The following CPVL variants were observed in gnomAD, a reference collection of about 807,000 sequenced individuals.
The protein encoded by CPVL is probable serine carboxypeptidase CPVL.
A neutral mutation model predicts 63.7 loss-of-function variants in CPVL; 51 were observed. That is an observed-to-expected ratio of 0.80 (90% CI 0.64 to 1.01). The LOEUF is 1.01. CPVL is among the 50% of genes least tolerant of loss of function. The probability of loss-of-function intolerance (pLI) is 0.00; values close to 1 mark genes in which losing one functional copy is unlikely to be tolerated. For missense variants in CPVL, 530 were observed against 573.1 expected (o/e 0.92, Z 0.77); for synonymous variants, 195 against 206.0 (o/e 0.95, Z 0.46).
intron 4 of CPVL, among the ~76,000 whole-genome samples, chr7:29,095,422 A>G (rs969444302): frequency 6.6e-6 from 1 of 152,088 alleles, no homozygotes; most frequent in African/African-American, 2.4e-5. Flanking sequence ...TCATGAAAAA[A>G]CACCCACCAA....
chr7:29,014,997 T>C (rs969597352), intron 12 of CPVL, among the ~76,000 whole-genome samples: 3 of 152,228 alleles, frequency 2.0e-5, no homozygotes, highest in Admixed American at 1.3e-4. Flanking sequence ...GTGAAAATGT[T>C]CAAATCCTAG....
chr7:29,035,130 A>C (rs1788402870), intron 11 of CPVL, among the ~76,000 whole-genome samples: 1 of 152,146 alleles, frequency 6.6e-6, no homozygotes, highest in African/African-American at 2.4e-5. Flanking sequence ...AGATGAGAAA[A>C]GCATCTTTAT....
chr7:29,089,941 C>T (rs555145107), intron 6 of CPVL, among the ~76,000 whole-genome samples: 4 of 151,866 alleles, frequency 2.6e-5, no homozygotes, highest in South Asian at 4.2e-4. Flanking sequence ...CGGCTCACCA[C>T]AACCTCTGCC....
chr7:29,104,550 T>C (rs921795533), intron 3 of CPVL, among the ~76,000 whole-genome samples: 1 of 152,210 alleles, frequency 6.6e-6, no homozygotes, highest in Non-Finnish European at 1.5e-5. Context: ...CATGAGCCAC[T>C]GCACCCAGCC....
intron 11 of CPVL, among the ~76,000 whole-genome samples, chr7:29,032,937 G>GTTGTTAGTCAAGACTTATC (rs1311013392): frequency 6.6e-6 from 1 of 152,158 alleles, no homozygotes; most frequent in African/African-American, 2.4e-5. Flanking sequence ...CCATCCCTGA[G>GTTGTTAGTCAAGACTTATC]TTGTTAGTCA....
At chr7:29,047,570 G>T (rs1371236794) in intron 11 of CPVL, among the ~76,000 whole-genome samples, 1 of 152,174 alleles carries the variant, frequency 6.6e-6, no homozygotes, top group Non-Finnish European at 1.5e-5. Context: ...AGAATAATCG[G>T]TGTTCCTGAG....
chr7:29,095,025 A>G lies in CPVL; in HGVS notation c.462+59T>C, dbSNP rs189926178. On this transcript the variant is annotated intron_variant, in intron 5 of 12. Transcript: ENST00000265394. ...TTTTTAAATGTACTTAATAAAAAGGAAAAAATAAAAGACAGGAGACGCCAG... is the reference window on the plus strand; with the variant it reads ...TTTTTAAATGTACTTAATAAAAAGGGAAAAATAAAAGACAGGAGACGCCAG... 4.4e-5 allele frequency: 57 copies of G among 1,286,168 alleles called. 1 individual carries two copies. In the African/African-American group the frequency reaches 7.7e-4, roughly 17 times the overall value. 79.7% of individuals were successfully genotyped at this position (1,286,168 alleles called of 1,614,324 possible).
At chr7:29,000,849 C>T (rs1784561913) in intron 12 of CPVL, 2 of 152,314 alleles carry the variant, frequency 1.3e-5, no homozygotes, top group Non-Finnish European at 2.9e-5. Context: ...CCCACTCCCC[C>T]TCTCCCCATC....
upstream of CPVL, among the ~76,000 whole-genome samples, chr7:29,147,721 C>T (rs1462595394): frequency 1.3e-5 from 2 of 152,102 alleles, no homozygotes; most frequent in East Asian, 3.9e-4. Context: ...TCTTTTAAGG[C>T]CAAAATCAGC....
chr7:29,015,912 T>C (rs745603222), intron 12 of CPVL, among the ~76,000 whole-genome samples: 1 of 152,224 alleles, frequency 6.6e-6, no homozygotes, highest in Non-Finnish European at 1.5e-5. Flanking sequence ...ACATAGTTTA[T>C]AGGATAGCTA....
intron 1 of CPVL, chr7:29,191,793 AGAT>A (rs1782927924): frequency 6.6e-6 from 1 of 152,382 alleles, no homozygotes; most frequent in South Asian, 2.1e-4. Flanking sequence ...TGAATAAAAT[AGAT>A]GATAACTTTT....
At chr7:29,115,072 T>C (rs1788643660) in intron 2 of CPVL, among the ~76,000 whole-genome samples, 1 of 152,192 alleles carries the variant, frequency 6.6e-6, no homozygotes. Context: ...CCCAGCAAGT[T>C]GCTCCATCTC....
At chr7:29,123,658 C>A (rs1489159766) in intron 1 of CPVL, among the ~76,000 whole-genome samples, 19 of 57,622 alleles carry the variant, frequency 3.3e-4, no homozygotes, top group South Asian at 1.3e-3. Context: ...TATATATATG[C>A]AATATTAAAA....
chr7:29,050,043 A>C (rs1789992657), intron 11 of CPVL, among the ~76,000 whole-genome samples: 1 of 152,192 alleles, frequency 6.6e-6, no homozygotes, highest in Non-Finnish European at 1.5e-5. Flanking sequence ...AACAGCCAAC[A>C]TAATACTGAA....
intron 1 of CPVL, among the ~76,000 whole-genome samples, chr7:29,121,324 A>G (rs1435940076): frequency 6.6e-6 from 1 of 151,848 alleles, no homozygotes; most frequent in African/African-American, 2.4e-5. Context: ...TTTTTTAAAC[A>G]GAGTCTTGCT....
rs1284597203 is a variant in CPVL at position 29,137,364 on chromosome 7, G to T, written c.-11+9065C>A. Reference sequence around the variant, plus strand: ...TGTCTGATTTATATAGACAAAGATTGGCCCACAGATTGGCTGGACCAGGTG... The same window carrying T: ...TGTCTGATTTATATAGACAAAGATTTGCCCACAGATTGGCTGGACCAGGTG... On this transcript the variant is annotated intron_variant, in intron 1 of 12. Coordinates refer to ENST00000265394, the MANE Select transcript of CPVL (RefSeq NM_031311.5). Among the ~76,000 whole-genome samples the T allele has an allele frequency of 3.9e-5, 6 of 152,162 alleles. No homozygotes were observed. In the East Asian group the frequency reaches 1.2e-3, roughly 29 times the overall value.
intron 6 of CPVL, among the ~76,000 whole-genome samples, chr7:29,089,853 T>C (rs943980319): frequency 2.0e-5 from 3 of 147,052 alleles, no homozygotes; most frequent in South Asian, 4.2e-4. Context: ...CATCTCACCA[T>C]TGAATTCTTT....
chr7:29,076,509 T>C (rs1197298219), intron 7 of CPVL, among the ~76,000 whole-genome samples: 3 of 152,214 alleles, frequency 2.0e-5, no homozygotes, highest in Admixed American at 6.5e-5. Context: ...GACCTTCGAA[T>C]GAGAAGCTCA....
chr7:29,146,208 A>G (rs1435333269), intron 1 of CPVL: 1 of 169,514 alleles, frequency 5.9e-6, no homozygotes, highest in African/African-American at 2.4e-5. Context: ...CTTCAAGAGT[A>G]TTCCCTCGGC....
Sources: gnomAD v4.1 joint callset for allele counts (sites outside exome capture counted in the v4.1 genomes callset) on GRCh38, gnomAD v4.1.1 for gene constraint, MANE v1.5 for transcripts, NCBI Gene and HGNC (gene_info 2026-07-23, HGNC 2026-07-21) for gene names.